The following HAT1 variants were observed in gnomAD, a reference collection of about 807,000 sequenced individuals.
HAT1 encodes the protein histone acetyltransferase 1.
Under a neutral mutation model 56.6 loss-of-function variants are expected in HAT1, and 20 were observed. The observed-to-expected ratio is 0.35, with a 90% confidence interval of 0.25 to 0.51. The LOEUF (loss-of-function observed/expected upper bound fraction) is 0.51, where lower values mean the gene tolerates loss of function less well. Among genes scored for constraint, HAT1 ranks in the 20% least tolerant of loss-of-function variants. The pLI is 0.95. For missense variants in HAT1, 408 were observed against 504.3 expected (o/e 0.81, Z 1.83); for synonymous variants, 146 against 165.5 (o/e 0.88, Z 0.91).
chr2:171,954,312 T>C (rs1022108903), intron 4 of HAT1, among the ~76,000 whole-genome samples: 1 of 152,238 alleles, frequency 6.6e-6, no homozygotes, highest in Non-Finnish European at 1.5e-5. Flanking sequence ...TATTCCTTTA[T>C]GGATGGAATA....
intron 2 of HAT1, among the ~76,000 whole-genome samples, chr2:171,939,079 A>G (rs937942452): frequency 6.6e-6 from 1 of 152,144 alleles, no homozygotes; most frequent in Non-Finnish European, 1.5e-5. Flanking sequence ...TTGCTGTCTT[A>G]AGCAGTTGAC....
At chr2:171,967,176 C>T (rs750445374) in intron 8 of HAT1, among the ~76,000 whole-genome samples, 1 of 152,022 alleles carries the variant, frequency 6.6e-6, no homozygotes. Context: ...AGATAATGAG[C>T]TGAATATATA....
chr2:171,980,875 A>T lies in HAT1; in HGVS notation c.1092+1512A>T, dbSNP rs796813985. On this transcript the variant is annotated intron_variant, in intron 10 of 10. Transcript: ENST00000264108. ...CATCTCAAAAAAAAAAAAAAAATTT[A>T]AAAAAAAAAAAAGGCCAGGTGCGGT... is the stretch of plus-strand genomic sequence containing the variant. 5.9e-3 allele frequency: 811 copies of T among 138,618 alleles called. 14 individuals carry two copies. Among genetic ancestry groups the T allele is most frequent in the East Asian group, 0.041 (196 of 4,816 alleles). 8.6% of individuals were successfully genotyped at this position (138,618 alleles called of 1,614,324 possible). A position where few individuals can be genotyped will look rare whatever the true frequency, so the allele number is the denominator to read the frequency against.
intron 4 of HAT1, among the ~76,000 whole-genome samples, chr2:171,958,984 G>T (rs6757680): frequency 0.23 from 34,656 of 151,968 alleles, 4,941 homozygotes; most frequent in African/African-American, 0.38. Flanking sequence ...GTTCTATTTG[G>T]TTTTTTTGTG....
intron 2 of HAT1, among the ~76,000 whole-genome samples, chr2:171,944,593 A>T (rs1237360484): frequency 1.3e-5 from 2 of 152,124 alleles, no homozygotes; most frequent in Non-Finnish European, 2.9e-5. Flanking sequence ...CTTGAGTATG[A>T]TGGATTTTGG....
intron 9 of HAT1, among the ~76,000 whole-genome samples, chr2:171,977,530 T>TATATATAA (rs1475758661): frequency 2.6e-4 from 4 of 15,542 alleles, no homozygotes; most frequent in Non-Finnish European, 3.7e-4. Context: ...TATGAATATA[T>TATATATAA]ATATATATAT....
At chr2:171,949,961 A>G (rs1687263676) in intron 3 of HAT1, among the ~76,000 whole-genome samples, 2 of 152,320 alleles carry the variant, frequency 1.3e-5, no homozygotes, top group South Asian at 2.1e-4. Flanking sequence ...ACTTTCTCAC[A>G]CAACAAGATG....
At position 171,965,563 on chromosome 2, in the gene HAT1, G is replaced by A. The variant is rs184696249; in HGVS notation, c.489+46G>A. 88 of 1,251,696 alleles carry A rather than the reference G, an allele frequency of 7.0e-5. No individual in the cohort carries two copies. The East Asian group carries it at 2.0e-3, about 29-fold the overall frequency. The allele number at this position is 1,251,696 out of a possible 1,614,324, so 77.5% of individuals were successfully genotyped here. On this transcript the variant is annotated intron_variant, in intron 5 of 10. Transcript: ENST00000264108. ...TTATTGAGTAAAGTTCTATTTGCCTGAAACCTGTATGTAGTTTTGTTGTCA... is the reference window on the plus strand; with the variant it reads ...TTATTGAGTAAAGTTCTATTTGCCTAAAACCTGTATGTAGTTTTGTTGTCA...
At chr2:171,945,977 TG>T (rs1245635912) in intron 2 of HAT1, among the ~76,000 whole-genome samples, 1 of 152,074 alleles carries the variant, frequency 6.6e-6, no homozygotes, top group African/African-American at 2.4e-5. Context: ...GCCTAATTTT[TG>T]AATTTTTAGT....
intron 8 of HAT1, among the ~76,000 whole-genome samples, chr2:171,973,972 G>A (rs999794678): frequency 6.6e-6 from 1 of 151,926 alleles, no homozygotes; most frequent in African/African-American, 2.4e-5. Context: ...TTGAGCCCAG[G>A]AGTTCGAGAG....
At chr2:171,968,271 ACTT>A (rs1687729617) in intron 8 of HAT1, among the ~76,000 whole-genome samples, 1 of 152,158 alleles carries the variant, frequency 6.6e-6, no homozygotes, top group East Asian at 1.9e-4. Flanking sequence ...AGACTATGTC[ACTT>A]CTTTTAGTTG....
At chr2:171,946,997 G>A (rs1019177521) in intron 3 of HAT1, among the ~76,000 whole-genome samples, 2 of 151,936 alleles carry the variant, frequency 1.3e-5, no homozygotes, top group Admixed American at 6.6e-5. Context: ...AATTCTCACA[G>A]CAGTATTAAT....
At chr2:171,963,736 T>TCATTA (rs1441190079) in intron 4 of HAT1, among the ~76,000 whole-genome samples, 1 of 152,186 alleles carries the variant, frequency 6.6e-6, no homozygotes, top group Non-Finnish European at 1.5e-5. Context: ...GACAGTTTCC[T>TCATTA]TGATAGCTGT....
intron 4 of HAT1, among the ~76,000 whole-genome samples, chr2:171,960,348 G>A (rs149135150): frequency 0.022 from 3,347 of 152,202 alleles, 57 homozygotes; most frequent in Middle Eastern, 0.037. Context: ...TTATGGTACT[G>A]TTAACTGGGA....
intron 10 of HAT1, among the ~76,000 whole-genome samples, chr2:171,982,086 A>G (rs927122154): frequency 5.3e-5 from 8 of 152,210 alleles, no homozygotes; most frequent in African/African-American, 1.9e-4. Flanking sequence ...AGCTAATGCC[A>G]AATAATGGGA....
chr2:171,937,466 A>G (rs1346636218), intron 2 of HAT1, among the ~76,000 whole-genome samples: 1 of 152,152 alleles, frequency 6.6e-6, no homozygotes, highest in Non-Finnish European at 1.5e-5. Context: ...AAGCCAGGAA[A>G]AAAGATGAGC....
intron 3 of HAT1, among the ~76,000 whole-genome samples, chr2:171,948,084 A>G (rs994553984): frequency 5.9e-5 from 9 of 152,162 alleles, no homozygotes; most frequent in African/African-American, 2.2e-4. Context: ...CCATTTAGCT[A>G]CATTTGCTTT....
chr2:171,956,987 T>C (rs1687463187), intron 4 of HAT1, among the ~76,000 whole-genome samples: 1 of 152,160 alleles, frequency 6.6e-6, no homozygotes, highest in African/African-American at 2.4e-5. Context: ...ATCTCCTCAG[T>C]TGTCTCAGCA....
intron 2 of HAT1, among the ~76,000 whole-genome samples, chr2:171,937,857 T>C (rs1574039000): frequency 6.6e-6 from 1 of 151,810 alleles, no homozygotes; most frequent in Non-Finnish European, 1.5e-5. Context: ...CCTTGTCTCT[T>C]AAAAAAAATC....
Sources: gnomAD v4.1 joint callset for allele counts (sites outside exome capture counted in the v4.1 genomes callset) on GRCh38, gnomAD v4.1.1 for gene constraint, MANE v1.5 for transcripts, NCBI Gene and HGNC (gene_info 2026-07-23, HGNC 2026-07-21) for gene names.